The following ELP6 variants were observed in gnomAD, a reference collection of about 807,000 sequenced individuals.
ELP6 encodes elongator complex protein 6.
In ELP6, 23 loss-of-function variants were observed where a neutral mutation model predicts 28.1. The observed-to-expected ratio is 0.82, with a 90% CI of 0.59 to 1.16. The LOEUF is 1.16. Ranked by LOEUF, ELP6 falls within the 50% of genes most tolerant of loss-of-function variation. ELP6 has a pLI of 0.00. For missense variants in ELP6, 313 were observed against 334.6 expected, an observed-to-expected ratio of 0.94 and a Z score of 0.50; for synonymous variants, 132 against 135.8, an observed-to-expected ratio of 0.97 and a Z score of 0.19.
At chr3:47,498,557 G>T in intron 5 of ELP6, 125 bp from the exon 6 acceptor site, 1 of 1,521,930 alleles carries the variant, frequency 6.6e-7, no homozygotes, top group Non-Finnish European at 8.8e-7. Flanking sequence ...CCCTGCTGCT[G>T]CTACAGCCAG....
At chr3:47,502,310 T>C (rs1237102842) in intron 4 of ELP6, 16 of 651,588 alleles carry the variant, frequency 2.5e-5, no homozygotes, top group African/African-American at 4.0e-5. Context: ...CTCAGGAGGC[T>C]GAGGCAGGAG....
At chr3:47,512,740 A>G in intron 1 of ELP6, 3 of 970,432 alleles carry the variant, frequency 3.1e-6, no homozygotes, top group Non-Finnish European at 3.7e-6. Context: ...GTTCTATTAG[A>G]GATCACAAGG....
rs1559597238 is a variant in ELP6, at chr3:47,513,601, T to C, written c.-11A>G. 6.2e-7 allele frequency: 1 copy of C among 1,613,170 alleles called. No homozygotes were observed. The highest frequency in any genetic ancestry group is 1.7e-4 in the Middle Eastern group (1 of 6,060). ...AAGTTCCACGAACATTCCGAGCTCC[T>C]GGGACTAGCGCTCTGGAGGAGAACC... is the stretch of plus-strand genomic sequence containing the variant. On this transcript the variant is annotated 5_prime_UTR_variant, in exon 1 of 7. Transcript: ENST00000296149.
chr3:47,503,333 G>C, intron 4 of ELP6: 1 of 1,289,414 alleles, frequency 7.8e-7, no homozygotes, highest in Non-Finnish European at 1.0e-6. Context: ...GCCAAGCGGG[G>C]AGTCTTCACA....
At chr3:47,498,075 T>C (rs1358998514) in intron 6 of ELP6, 3 of 1,401,462 alleles carry the variant, frequency 2.1e-6, no homozygotes, top group Non-Finnish European at 2.8e-6. Context: ...TGGTCACAAA[T>C]GGGACCCCCA....
At position 47,499,427 on chromosome 3, in the gene ELP6, G is replaced by C. The variant is rs7651194; in HGVS notation, c.526-995C>G. On this transcript the variant is annotated intron_variant, in intron 5 of 6. Coordinates refer to ENST00000296149, the MANE Select transcript of ELP6 (RefSeq NM_001031703.3). ...CCAGCTACTCGGGAGGCTGTGGCAG[G>C]AGAATTGCTTGAACCCAGGAGGCAG... Among the ~76,000 whole-genome samples, 25 of 151,302 alleles carry C rather than the reference G, an allele frequency of 1.7e-4. No individual in the cohort carries two copies. In the East Asian group the frequency reaches 4.9e-3, roughly 30 times the overall value.
chr3:47,496,214 G>T lies in ELP6; in HGVS notation c.673-17C>A. On this transcript the variant is annotated splice_polypyrimidine_tract_variant and intron_variant, in intron 6 of 6. Transcript: ENST00000296149. ...GATCCTCAGCTACAGAGACAGAGAA[G>T]AATGAAAGAGGAGCAGCCACCCCAG... 6.2e-7 allele frequency: 1 copy of T among 1,611,670 alleles called. No homozygotes were observed. Among genetic ancestry groups the T allele is most frequent in the South Asian group, 1.1e-5 (1 of 90,684 alleles).
intron 5 of ELP6, chr3:47,500,002 G>T: frequency 7.6e-7 from 1 of 1,316,674 alleles, no homozygotes; most frequent in South Asian, 1.2e-5. Context: ...CACACTGGCG[G>T]GTAAATATGT....
At chr3:47,512,887 C>T in intron 1 of ELP6, 4 of 985,690 alleles carry the variant, frequency 4.1e-6, no homozygotes, top group Non-Finnish European at 4.8e-6. Context: ...CTGCAGTCTC[C>T]TCTGAGCGCC....
At chr3:47,507,877 A>G (rs1239738937) in intron 3 of ELP6, among the ~76,000 whole-genome samples, 2 of 151,858 alleles carry the variant, frequency 1.3e-5, no homozygotes, top group African/African-American at 4.8e-5. Flanking sequence ...CTCACGCTCC[A>G]GTACTTCACG....
intron 5 of ELP6, among the ~76,000 whole-genome samples, chr3:47,499,438 G>C (rs1288373653): frequency 6.6e-6 from 1 of 150,606 alleles, no homozygotes; most frequent in African/African-American, 2.4e-5. Flanking sequence ...AGAATTGCTT[G>C]AACCCAGGAG....
At chr3:47,498,206 C>G (rs1708534404) in intron 6 of ELP6, 80 bp downstream of exon 6, 1 of 1,560,966 alleles carries the variant, frequency 6.4e-7, no homozygotes. Context: ...GACAGTCCCT[C>G]AGGCCTGACT....
At position 47,498,409 on chromosome 3, in the gene ELP6, G is replaced by A. The variant is rs765727769; in HGVS notation, c.549C>T (p.His183=). The A allele has an allele frequency of 5.6e-6, 9 of 1,613,000 alleles. No individual in the cohort carries two copies. The highest frequency in any genetic ancestry group is 1.1e-5 in the South Asian group (1 of 91,076). ...ELKGNMVVLV[H]DSGDAEDEEN... is the part of the protein sequence containing the mutation. ...CCTCATCCTCCGCATCTCCACTGTCGTGCACAAGGACCACCATGTTTCCCT... is the reference window on the plus strand; with the variant it reads ...CCTCATCCTCCGCATCTCCACTGTCATGCACAAGGACCACCATGTTTCCCT... The change falls in exon 6 of 7, where the codon CAC becomes CAT. Residue 183 remains histidine, a synonymous_variant. Coordinates refer to ENST00000296149, the MANE Select transcript of ELP6 (RefSeq NM_001031703.3).
At chr3:47,504,527 TAA>T (rs1358287787) in intron 3 of ELP6, 79 bp from the exon 4 acceptor site, 3 of 1,462,850 alleles carry the variant, frequency 2.1e-6, no homozygotes, top group Non-Finnish European at 2.7e-6. Flanking sequence ...CAAGAGGGCA[TAA>T]GACACCTTCC....
At chr3:47,512,868 G>C (rs989475538) in intron 1 of ELP6, 2 of 984,304 alleles carry the variant, frequency 2.0e-6, no homozygotes, top group African/African-American at 3.5e-5. Flanking sequence ...CTCTCCTCTC[G>C]GGCCTATTCT....
Position 47,496,115 on chromosome 3 carries a change from T to C in ELP6, c.755A>G (p.Lys252Arg). The C allele has an allele frequency of 6.2e-7, 1 of 1,614,184 alleles. No individual in the cohort carries two copies. Among genetic ancestry groups the C allele is most frequent in the Non-Finnish European group, 8.5e-7 (1 of 1,180,014 alleles). The change falls in exon 7 of 7, where the codon AAA becomes AGA. Residue 252 changes from lysine (K) to arginine (R), a missense_variant. By Grantham distance (26) the Lys-to-Arg change is conservative. Coordinates refer to ENST00000296149, the MANE Select transcript of ELP6 (RefSeq NM_001031703.3). ...TCCTTTGGCAAAAAAGGACACGCTT[T>C]TGTCCTGTATCTTATACTGGTAAGT... ...SFTYQYKIQD[K>R]SVSFFAKGMS... is the part of the protein sequence containing the mutation.
At chr3:47,510,741 T>C (rs1223157010) in intron 2 of ELP6, among the ~76,000 whole-genome samples, 4 of 152,182 alleles carry the variant, frequency 2.6e-5, no homozygotes, top group African/African-American at 9.7e-5. Flanking sequence ...TTATAGATAA[T>C]GAGCCATTAC....
chr3:47,496,385 C>T, intron 6 of ELP6, 188 bp from the exon 7 acceptor site: 1 of 985,094 alleles, frequency 1.0e-6, no homozygotes, highest in Non-Finnish European at 1.2e-6. Flanking sequence ...TAAAGGGTTC[C>T]CCTCCATTAC....
chr3:47,503,563 G>A (rs960230712), intron 4 of ELP6: 11 of 535,372 alleles, frequency 2.1e-5, no homozygotes, highest in Middle Eastern at 7.6e-4. Context: ...ACAAATGAAC[G>A]TGGCTGTATT....
Sources: gnomAD v4.1 joint callset for allele counts (sites outside exome capture counted in the v4.1 genomes callset) on GRCh38, gnomAD v4.1.1 for gene constraint, MANE v1.5 for transcripts, NCBI Gene and HGNC (gene_info 2026-07-23, HGNC 2026-07-21) for gene names.